The following EYS variants were observed in gnomAD, a reference collection of about 807,000 sequenced individuals.
The protein encoded by EYS is protein eyes shut homolog.
EYS carries 250 observed loss-of-function variants against 282.1 expected under a neutral mutation model. That is an observed-to-expected ratio of 0.89 (90% CI 0.80 to 0.98). EYS has a LOEUF of 0.98. EYS is among the 50% of genes least tolerant of loss of function. The pLI is 0.00. For synonymous variants in EYS, 1,355 were observed against 1,282.9 expected, an observed-to-expected ratio of 1.06 and a Z score of -1.20; for missense variants, 4,016 against 3,709.0, an observed-to-expected ratio of 1.08 and a Z score of -2.15.
At chr6:65,194,162 T>C (rs1171518402) in intron 12 of EYS, among the ~76,000 whole-genome samples, 1 of 152,102 alleles carries the variant, frequency 6.6e-6, no homozygotes. Context: ...AAATGTATTC[T>C]TTAAGTTGAA....
intron 12 of EYS, among the ~76,000 whole-genome samples, chr6:65,128,589 T>C (rs1482589671): frequency 2.0e-5 from 3 of 151,742 alleles, no homozygotes; most frequent in African/African-American, 7.3e-5. Context: ...CTAAAAAGAA[T>C]AAAATAAGCA....
At chr6:65,371,593 T>C (rs761408806) in intron 8 of EYS, among the ~76,000 whole-genome samples, 6 of 151,936 alleles carry the variant, frequency 3.9e-5, no homozygotes, top group Non-Finnish European at 8.8e-5. Flanking sequence ...TCAATGTTAT[T>C]GTAGAGCAAA....
chr6:65,460,311 C>T (rs1764785381), intron 5 of EYS, among the ~76,000 whole-genome samples: 1 of 151,474 alleles, frequency 6.6e-6, no homozygotes, highest in African/African-American at 2.4e-5. Flanking sequence ...TACAAATTTA[C>T]ACTAGCCATA....
chr6:64,230,556 A>G, intron 31 of EYS, 36 bp downstream of exon 31: 1 of 1,479,796 alleles, frequency 6.8e-7, no homozygotes. Context: ...AGAGGTTTTT[A>G]AAAAGAAATA....
intron 28 of EYS, chr6:64,412,837 A>C (rs1773944925): frequency 6.6e-6 from 1 of 152,182 alleles, no homozygotes; most frequent in Non-Finnish European, 1.5e-5. Context: ...TACTATGAAT[A>C]AAACAAACTA....
intron 12 of EYS, among the ~76,000 whole-genome samples, chr6:65,091,991 G>A (rs1774588473): frequency 6.6e-6 from 1 of 151,972 alleles, no homozygotes; most frequent in African/African-American, 2.4e-5. Flanking sequence ...CCCAGCTTGG[G>A]TTGAAATCTG....
At chr6:64,657,348 A>C (rs972403347) in intron 22 of EYS, among the ~76,000 whole-genome samples, 3 of 152,158 alleles carry the variant, frequency 2.0e-5, no homozygotes, top group African/African-American at 7.2e-5. Flanking sequence ...CATTTAGCCC[A>C]TTTACATTTA....
intron 19 of EYS, among the ~76,000 whole-genome samples, chr6:64,828,386 G>A (rs1765122191): frequency 6.6e-6 from 1 of 151,894 alleles, no homozygotes; most frequent in African/African-American, 2.4e-5. Context: ...ATGGAACTCT[G>A]TAGCAGTTTC....
At position 64,715,890 on chromosome 6, in the gene EYS, C is replaced by T. The variant is rs560297671; in HGVS notation, c.3444-89645G>A. ...AGCAAGTTTTGTCACCCATTCTGTG[C>T]CACTGAGTTGTGCTTCCAGTGGTGA... On this transcript the variant is annotated intron_variant, in intron 22 of 42. Transcript: ENST00000503581. Among the ~76,000 whole-genome samples, 49 of 152,296 alleles carry T rather than the reference C, an allele frequency of 3.2e-4. No individual in the cohort carries two copies. The South Asian group carries it at 0.01, about 32-fold the overall frequency.
At chr6:65,490,326 T>G (rs1765993273) in intron 5 of EYS, 1 of 272,780 alleles carries the variant, frequency 3.7e-6, no homozygotes, top group Non-Finnish European at 7.0e-6. Context: ...TAAATGCAAG[T>G]CTGAAGAAAG....
At chr6:65,254,392 G>A (rs889847842) in intron 12 of EYS, among the ~76,000 whole-genome samples, 6 of 151,846 alleles carry the variant, frequency 4.0e-5, no homozygotes, top group Admixed American at 6.6e-5. Flanking sequence ...TAAAGTGTAA[G>A]AACAAGTAGG....
At chr6:64,359,059 G>A (rs1254378339) in intron 29 of EYS, among the ~76,000 whole-genome samples, 1 of 151,560 alleles carries the variant, frequency 6.6e-6, no homozygotes, top group African/African-American at 2.4e-5. Flanking sequence ...TTCTAGACAT[G>A]CAGATATCAC....
intron 29 of EYS, among the ~76,000 whole-genome samples, chr6:64,310,679 C>T (rs1463518224): frequency 6.6e-6 from 1 of 152,008 alleles, no homozygotes; most frequent in Non-Finnish European, 1.5e-5. Flanking sequence ...GTACAACAAA[C>T]CCCCAGGACA....
At chr6:65,222,409 C>A (rs1259590465) in intron 12 of EYS, among the ~76,000 whole-genome samples, 2 of 152,146 alleles carry the variant, frequency 1.3e-5, no homozygotes, top group Admixed American at 1.3e-4. Flanking sequence ...GGGGAGTCCC[C>A]TGCACATGCT....
chr6:63,773,364 G>A (rs926347168), intron 40 of EYS, among the ~76,000 whole-genome samples: 3 of 152,060 alleles, frequency 2.0e-5, no homozygotes, highest in Non-Finnish European at 4.4e-5. Context: ...AAGGGAGGAG[G>A]AAAAAAGGAG....
chr6:65,364,969 C>T (rs1764860052), intron 8 of EYS, among the ~76,000 whole-genome samples: 1 of 151,632 alleles, frequency 6.6e-6, no homozygotes, highest in African/African-American at 2.4e-5. Context: ...AAACTCTCCA[C>T]CTCATTTTAA....
intron 35 of EYS, among the ~76,000 whole-genome samples, chr6:63,928,501 A>T (rs190071687): frequency 1.3e-5 from 2 of 149,288 alleles, no homozygotes; most frequent in African/African-American, 2.5e-5. Context: ...AGGCACAGGC[A>T]TCTACTGTTG....
intron 13 of EYS, among the ~76,000 whole-genome samples, chr6:65,014,349 T>TTA (rs1771976767): frequency 1.3e-5 from 2 of 152,156 alleles, no homozygotes; most frequent in South Asian, 4.1e-4. Context: ...TTGCAGAAAT[T>TTA]GTAAAATAAA....
At chr6:64,250,565 G>A (rs1048220999) in intron 30 of EYS, among the ~76,000 whole-genome samples, 7 of 152,104 alleles carry the variant, frequency 4.6e-5, no homozygotes, top group Non-Finnish European at 7.4e-5. Context: ...AAATTCAAAA[G>A]CATTTTTAAA....
Sources: allele counts gnomAD v4.1 joint callset (sites outside exome capture counted in the v4.1 genomes callset), GRCh38; gene constraint gnomAD v4.1.1; transcripts MANE v1.5; gene names NCBI Gene and HGNC (gene_info 2026-07-23, HGNC 2026-07-21).